Variants in CES5A observed in about 807,000 individuals in gnomAD.
CES5A encodes the protein carboxylesterase 5A, also known as carboxylesterase 5.
CES5A carries 67 observed loss-of-function variants against 62.9 expected under a neutral mutation model. That is an observed-to-expected ratio of 1.07 (90% CI 0.88 to 1.31). The LOEUF (loss-of-function observed/expected upper bound fraction) is 1.31, where lower values mean the gene tolerates loss of function less well. Ranked by LOEUF, CES5A falls within the 50% of genes most tolerant of loss-of-function variation. The pLI, the probability that CES5A is intolerant of heterozygous loss-of-function variation, is 0.00. For synonymous variants in CES5A, 296 were observed against 280.8 expected (o/e 1.05, Z -0.54); for missense variants, 748 against 708.5 (o/e 1.06, Z -0.63).
chr16:55,863,572 A>G lies in CES5A; in HGVS notation c.706-120T>C, dbSNP rs541414249. Reference sequence around the variant, plus strand: ...CTTAAAAGCTCTAAGCTTAGAGGGGAAAAAAGCCCTGGTTTAGGGGTTAAA... The same window carrying G: ...CTTAAAAGCTCTAAGCTTAGAGGGGGAAAAAGCCCTGGTTTAGGGGTTAAA... On this transcript the variant is annotated intron_variant, in intron 5 of 12. Coordinates refer to ENST00000290567, the MANE Select transcript of CES5A (RefSeq NM_001143685.2). The G allele has an allele frequency of 6.6e-5, 43 of 648,814 alleles. No individual in the cohort carries two copies. The African/African-American group carries it at 6.9e-4, about 10-fold the overall frequency. The allele number at this position is 648,814 out of a possible 1,614,324, so 40.2% of individuals were successfully genotyped here.
chr16:55,860,991 C>CTTTAGAAGG (rs1330516344), intron 7 of CES5A, among the ~76,000 whole-genome samples: 1 of 152,234 alleles, frequency 6.6e-6, no homozygotes, highest in Non-Finnish European at 1.5e-5. Context: ...GGGCATCTCA[C>CTTTAGAAGG]TACCTTCTAA....
rs773422574 is a variant in CES5A at position 55,849,661 on chromosome 16, G to C, written c.1386C>G (p.Phe462Leu). 1 of 1,613,974 alleles carries C rather than the reference G, an allele frequency of 6.2e-7. No homozygotes were observed. Among genetic ancestry groups the C allele is most frequent in the Non-Finnish European group, 8.5e-7 (1 of 1,179,890 alleles). The change falls in exon 11 of 13, where the codon TTC becomes TTG. Residue 462 changes from phenylalanine to leucine, a missense_variant. Transcript: ENST00000290567. Reference protein sequence around the residue: ...ADHADEVRFVFGGAFLKGDIV... With the variant: ...ADHADEVRFVLGGAFLKGDIV... ...TGTCCCCCTTCAGGAAGGCACCACC[G>C]AACACAAAGCGGACTTCATCAGCGT...
chr16:55,926,471 C>A (rs2034258426), upstream of CES5A, among the ~76,000 whole-genome samples: 1 of 152,150 alleles, frequency 6.6e-6, no homozygotes, highest in Non-Finnish European at 1.5e-5. Flanking sequence ...AGGGTTCTTG[C>A]AATTTAACCA....
At chr16:55,884,410 A>T (rs768023223) in intron 1 of CES5A, among the ~76,000 whole-genome samples, 1 of 152,160 alleles carries the variant, frequency 6.6e-6, no homozygotes, top group Non-Finnish European at 1.5e-5. Context: ...GGCCTTGGTG[A>T]TCATTAAAGT....
intron 1 of CES5A, among the ~76,000 whole-genome samples, chr16:55,908,014 GT>G (rs2034055530): frequency 6.6e-6 from 1 of 152,086 alleles, no homozygotes; most frequent in Non-Finnish European, 1.5e-5. Context: ...ATATGCCACT[GT>G]CCCCAGAAGC....
At chr16:55,939,256 A>C (rs1489301291) in intron 2 of CES5A, among the ~76,000 whole-genome samples, 1 of 152,188 alleles carries the variant, frequency 6.6e-6, no homozygotes, top group Non-Finnish European at 1.5e-5. Context: ...CAATCATTGC[A>C]GCTTTGGGAT....
At chr16:55,887,928 C>A (rs779426597) in intron 1 of CES5A, among the ~76,000 whole-genome samples, 1 of 152,064 alleles carries the variant, frequency 6.6e-6, no homozygotes, top group Non-Finnish European at 1.5e-5. Context: ...CTTGAGCGGC[C>A]GAGTACTGCA....
chr16:55,851,101 A>G (rs2033123445), intron 10 of CES5A, among the ~76,000 whole-genome samples: 1 of 152,338 alleles, frequency 6.6e-6, no homozygotes, highest in East Asian at 1.9e-4. Flanking sequence ...CTTATATATG[A>G]CACCAAAACC....
Position 55,853,002 on chromosome 16 carries a change from A to G in CES5A, c.1152T>C (p.Leu384=). 6.2e-7 allele frequency: 1 copy of G among 1,614,166 alleles called. No homozygotes were observed. Among genetic ancestry groups the G allele is most frequent in the East Asian group, 2.2e-5 (1 of 44,884 alleles). ...ILHIPPQYLH[L]VANEYFHDKH... ...TGTCATGGAAGTATTCATTAGCCAC[A>G]AGGTGCAAATACTGAGGCGGGATGT... The change falls in exon 10 of 13, where the codon CTT becomes CTC. Residue 384 remains leucine (L), a synonymous_variant. Transcript: ENST00000290567.
chr16:55,862,394 A>G (rs1172306187), intron 6 of CES5A, among the ~76,000 whole-genome samples: 12 of 152,316 alleles, frequency 7.9e-5, no homozygotes, highest in Admixed American at 3.3e-4. Flanking sequence ...GCAGGATTTA[A>G]TCCTATCCAT....
At position 55,846,840 on chromosome 16, in the gene CES5A, T is replaced by C; in HGVS notation, c.1424A>G (p.Glu475Gly). 6.2e-7 allele frequency: 1 copy of C among 1,613,878 alleles called. No individual in the cohort carries two copies. The highest frequency in any genetic ancestry group is 8.5e-7 in the Non-Finnish European group (1 of 1,179,846). The change falls in exon 12 of 13, where the codon GAA becomes GGA. Residue 475 changes from glutamate to glycine, a missense_variant and splice_region_variant. Physicochemically the swap from Glu to Gly is moderately conservative, Grantham distance 98. Coordinates refer to ENST00000290567, the MANE Select transcript of CES5A (RefSeq NM_001143685.2). ...AFLKGDIVMFEGATEEEKLLS... is the reference protein window; with the variant it reads ...AFLKGDIVMFGGATEEEKLLS... ...TAACTTCTCCTCCTCCGTGGCTCCT[T>C]CTGAAGGAGATAATCACAAAATGCT... is the stretch of plus-strand genomic sequence containing the variant.
chr16:55,888,599 AC>A (rs1293011666), intron 1 of CES5A, among the ~76,000 whole-genome samples: 10 of 152,202 alleles, frequency 6.6e-5, no homozygotes, highest in African/African-American at 2.4e-4. Flanking sequence ...TGCTAAATAA[AC>A]TACCTGAACC....
chr16:55,899,686 T>C (rs914729376), intron 1 of CES5A, among the ~76,000 whole-genome samples: 3 of 152,228 alleles, frequency 2.0e-5, no homozygotes, highest in African/African-American at 7.2e-5. Context: ...CAGGGGACAT[T>C]TGGCAATGTC....
intron 2 of CES5A, among the ~76,000 whole-genome samples, chr16:55,941,465 A>G (rs2034445461): frequency 2.0e-5 from 3 of 152,108 alleles, no homozygotes; most frequent in Admixed American, 2.0e-4. Flanking sequence ...GAGGTTAAAG[A>G]AGACCTCAAT....
intron 1 of CES5A, among the ~76,000 whole-genome samples, chr16:55,919,180 G>A (rs368070268): frequency 3.2e-4 from 48 of 152,344 alleles, no homozygotes; most frequent in African/African-American, 5.5e-4. Flanking sequence ...AGGCTGAGTC[G>A]CCCCAGGGCA....
intron 10 of CES5A, 146 bp downstream of exon 10, chr16:55,852,735 C>G (rs2033156737): frequency 1.0e-5 from 8 of 799,252 alleles, no homozygotes; most frequent in Non-Finnish European, 1.5e-5. Context: ...GTCCCCATGG[C>G]ATGTTTCCAT....
intron 2 of CES5A, among the ~76,000 whole-genome samples, chr16:55,947,303 C>G (rs7193694): frequency 0.32 from 49,057 of 151,960 alleles, 8,186 homozygotes; most frequent in African/African-American, 0.37. Context: ...TAGCCTGATA[C>G]GAAAAGGGGC....
At chr16:55,942,864 G>A (rs2034459302) in intron 2 of CES5A, among the ~76,000 whole-genome samples, 1 of 152,142 alleles carries the variant, frequency 6.6e-6, no homozygotes, top group Admixed American at 6.5e-5. Flanking sequence ...AAACAACCTG[G>A]ATGAATCTCA....
At chr16:55,892,852 A>G (rs1201452846) in intron 1 of CES5A, among the ~76,000 whole-genome samples, 1 of 152,216 alleles carries the variant, frequency 6.6e-6, no homozygotes, top group African/African-American at 2.4e-5. Context: ...ATGAGTACAG[A>G]TAAATATATA....
Sources: allele counts gnomAD v4.1 joint callset (sites outside exome capture counted in the v4.1 genomes callset), GRCh38; gene constraint gnomAD v4.1.1; transcripts MANE v1.5; gene names NCBI Gene and HGNC (gene_info 2026-07-23, HGNC 2026-07-21).